Variants in BRINP2 observed in about 807,000 individuals in gnomAD.
BRINP2 encodes the protein BMP/retinoic acid-inducible neural-specific protein 2.
BRINP2 carries 21 observed loss-of-function variants against 69.2 expected under a neutral mutation model. The observed-to-expected ratio is 0.30, with a 90% CI of 0.22 to 0.44. The LOEUF (loss-of-function observed/expected upper bound fraction) is 0.44. BRINP2 is among the 20% of genes least tolerant of loss of function. BRINP2 has a pLI of 1.00. For missense variants in BRINP2, 877 were observed against 986.0 expected, an observed-to-expected ratio of 0.89 and a Z score of 1.48; for synonymous variants, 380 against 394.1, an observed-to-expected ratio of 0.96 and a Z score of 0.42.
intron 2 of BRINP2, among the ~76,000 whole-genome samples, chr1:177,244,489 G>A (rs1024881024): frequency 1.3e-5 from 2 of 152,128 alleles, no homozygotes; most frequent in Non-Finnish European, 2.9e-5. Flanking sequence ...CCTTAGCTGG[G>A]CGTGTTGGCA....
At chr1:177,173,211 T>C (rs1395227741) in intron 1 of BRINP2, among the ~76,000 whole-genome samples, 1 of 152,188 alleles carries the variant, frequency 6.6e-6, no homozygotes, top group African/African-American at 2.4e-5. Context: ...GACCGAGACA[T>C]GCTGCCACAA....
chr1:177,202,880 G>A (rs558185686), intron 1 of BRINP2, among the ~76,000 whole-genome samples: 204 of 152,288 alleles, frequency 1.3e-3, no homozygotes, highest in African/African-American at 4.8e-3. Flanking sequence ...CTGTTGGTGG[G>A]ACTGTAAACT....
Position 177,272,911 on chromosome 1 carries a change from C to T in BRINP2, c.670-577C>T, listed in dbSNP as rs191185778. Reference sequence around the variant, plus strand: ...TATGGTGTTTTGAAATATTACATGGCTATAAGAGTTTATGTATATTTAATA... The same window carrying T: ...TATGGTGTTTTGAAATATTACATGGTTATAAGAGTTTATGTATATTTAATA... On this transcript the variant is annotated intron_variant, in intron 4 of 7. Transcript: ENST00000361539. 2.3e-4 allele frequency among the ~76,000 whole-genome samples: 35 copies of T among 152,260 alleles called. No homozygotes were observed. In the Middle Eastern group the frequency reaches 0.017, roughly 74 times the overall value.
chr1:177,240,358 G>A (rs1650159042), intron 2 of BRINP2, among the ~76,000 whole-genome samples: 1 of 152,168 alleles, frequency 6.6e-6, no homozygotes, highest in South Asian at 2.1e-4. Flanking sequence ...TAAATTGTGA[G>A]TCTGATAAAG....
Position 177,281,394 on chromosome 1 carries a change from C to A in BRINP2, c.2218C>A (p.Leu740Ile), listed in dbSNP as rs147964469. ...TCCACCTGGCAAAGTCCGACTTGAC[C>A]TTTTCTCCTGCTTGCTCCGGCATCG... ...LSPPGKVRLD[L>I]FSCLLRHRLK... Residue 740 changes from leucine (L) to isoleucine (I), a missense_variant, in exon 8 of 8, where the codon CTT becomes ATT. Coordinates refer to ENST00000361539, the MANE Select transcript of BRINP2 (RefSeq NM_021165.4). 171 of 1,614,110 alleles carry A rather than the reference C, an allele frequency of 1.1e-4. No homozygotes were observed. The East Asian group carries it at 3.8e-3, about 36-fold the overall frequency.
At position 177,241,744 on chromosome 1, in the gene BRINP2, A is replaced by G. The variant is rs187203360; in HGVS notation, c.269+11599A>G. 3.9e-5 allele frequency among the ~76,000 whole-genome samples: 6 copies of G among 152,276 alleles called. No individual in the cohort carries two copies. The East Asian group carries it at 1.2e-3, about 29-fold the overall frequency. On this transcript the variant is annotated intron_variant, in intron 2 of 7. Coordinates refer to ENST00000361539, the MANE Select transcript of BRINP2 (RefSeq NM_021165.4). ...CATTTTAGAGTTTCTCAGGTCAGGC[A>G]TTTCCCTCTCCCCAGACTTCTTTGA...
intron 1 of BRINP2, among the ~76,000 whole-genome samples, chr1:177,176,854 G>A (rs1434596068): frequency 1.3e-5 from 2 of 152,182 alleles, no homozygotes; most frequent in African/African-American, 4.8e-5. Context: ...GAGTGAGCCG[G>A]TGGGTGGCTT....
chr1:177,199,136 T>A (rs1243167110), intron 1 of BRINP2, among the ~76,000 whole-genome samples: 1 of 152,198 alleles, frequency 6.6e-6, no homozygotes. Flanking sequence ...TTTGACCTAT[T>A]TTAAGATATT....
intron 2 of BRINP2, among the ~76,000 whole-genome samples, chr1:177,231,583 T>G (rs1236705942): frequency 6.6e-6 from 1 of 152,208 alleles, no homozygotes; most frequent in Non-Finnish European, 1.5e-5. Flanking sequence ...GGGCTGGTAC[T>G]TTGTGGACCC....
chr1:177,187,580 G>A (rs1648464443), intron 1 of BRINP2, among the ~76,000 whole-genome samples: 1 of 152,178 alleles, frequency 6.6e-6, no homozygotes, highest in Non-Finnish European at 1.5e-5. Flanking sequence ...ATGAAGCCTG[G>A]AGGATCAGCT....
chr1:177,221,331 C>T (rs1041107143), intron 1 of BRINP2, among the ~76,000 whole-genome samples: 2 of 152,152 alleles, frequency 1.3e-5, no homozygotes, highest in African/African-American at 2.4e-5. Context: ...ATAATGGCAA[C>T]TCTGGGACTC....
chr1:177,180,497 G>GC lies in BRINP2; in HGVS notation c.-77+8766dup, dbSNP rs1461428689. 5.9e-5 allele frequency among the ~76,000 whole-genome samples: 9 copies of GC among 152,216 alleles called. 1 individual carries two copies. The highest frequency in any genetic ancestry group is 1.3e-4 in the Non-Finnish European group (9 of 68,036). ...AATGATTGACAAATAGCAGAGTTGA[G>GC]CATCCTTAAGCCTGGAGGAAAAGGT... On this transcript the variant is annotated intron_variant, in intron 1 of 7. Coordinates refer to ENST00000361539, the MANE Select transcript of BRINP2 (RefSeq NM_021165.4).
At position 177,278,689 on chromosome 1, in the gene BRINP2, A is replaced by G; in HGVS notation, c.1139A>G (p.Lys380Arg). 1 of 1,614,186 alleles carries G rather than the reference A, an allele frequency of 6.2e-7. No homozygotes were observed. The highest frequency in any genetic ancestry group is 8.5e-7 in the Non-Finnish European group (1 of 1,180,040). ...TACCAGCAGCTGGGAGCTGGCTTGA[A>G]AGTGCTGTTCAAAAAGACCCATCGG... ...HRYQQLGAGL[K>R]VLFKKTHRIL... The change falls in exon 7 of 8, where the codon AAA becomes AGA. Residue 380 changes from lysine to arginine, a missense_variant. Physicochemically the swap from Lys to Arg is conservative, Grantham distance 26 (BLOSUM62 2). Around this residue, in one of 3 missense-constraint regions of BRINP2, gnomAD observed 566 missense variants for 625.2 expected, o/e 0.91. Transcript: ENST00000361539.
rs1032673629 is a variant in BRINP2, at chr1:177,263,575, G to A, written c.669+6191G>A. 6.4e-4 allele frequency among the ~76,000 whole-genome samples: 97 copies of A among 152,290 alleles called. 1 individual carries two copies. Among genetic ancestry groups the A allele is most frequent in the South Asian group, 2.3e-3 (11 of 4,822 alleles). On this transcript the variant is annotated intron_variant, in intron 4 of 7. Coordinates refer to ENST00000361539, the MANE Select transcript of BRINP2 (RefSeq NM_021165.4). The stretch of plus-strand genomic sequence containing the variant: ...GGTCAGCTATATCGTGGTTAGAACC[G>A]AAAGGCAAAGTGCACTCTTGAGAAG...
At chr1:177,173,892 C>A (rs1366401427) in intron 1 of BRINP2, among the ~76,000 whole-genome samples, 2 of 152,150 alleles carry the variant, frequency 1.3e-5, no homozygotes. Context: ...GACTGGGATG[C>A]TTAGTTGAGG....
chr1:177,229,024 C>A (rs539100762), intron 1 of BRINP2, among the ~76,000 whole-genome samples: 1 of 152,290 alleles, frequency 6.6e-6, no homozygotes, highest in South Asian at 2.1e-4. Flanking sequence ...CTCAGCCCTG[C>A]CCCTCGTGGT....
intron 1 of BRINP2, among the ~76,000 whole-genome samples, chr1:177,182,242 A>G (rs544751675): frequency 2.1e-4 from 31 of 151,120 alleles, no homozygotes; most frequent in Non-Finnish European, 3.5e-4. Context: ...CACCACCTCC[A>G]TCAAGATAAT....
intron 5 of BRINP2, 90 bp downstream of exon 5, chr1:177,273,683 G>C (rs990366198): frequency 2.6e-6 from 2 of 757,286 alleles, no homozygotes; most frequent in African/African-American, 1.8e-5. Flanking sequence ...AATTCTGCCT[G>C]TTCCATTTGA....
chr1:177,217,223 T>C (rs1407503157), intron 1 of BRINP2, among the ~76,000 whole-genome samples: 1 of 152,088 alleles, frequency 6.6e-6, no homozygotes, highest in African/African-American at 2.4e-5. Context: ...ACTCCTCTGA[T>C]TGGGTAATTT....
Sources: gnomAD v4.1 joint callset for allele counts (sites outside exome capture counted in the v4.1 genomes callset) on GRCh38, gnomAD v4.1.1 for gene constraint, gnomAD v4.1.1 regional missense constraint, MANE v1.5 for transcripts, NCBI Gene and HGNC (gene_info 2026-07-23, HGNC 2026-07-21) for gene names.